The following SLIT3 variants were observed in gnomAD, a reference collection of about 807,000 sequenced individuals.
SLIT3 encodes slit guidance ligand 3.
A neutral mutation model predicts 184.0 loss-of-function variants in SLIT3; 68 were observed. The ratio of observed to expected loss-of-function variants is 0.37; its 90% CI spans 0.30 to 0.45. The LOEUF is 0.45. Among genes scored for constraint, SLIT3 ranks in the 20% least tolerant of loss-of-function variants. The pLI, the probability that SLIT3 is intolerant of heterozygous loss-of-function variation, is 1.00. For missense variants in SLIT3, 1,707 were observed against 2,026.0 expected, an observed-to-expected ratio of 0.84 and a Z score of 3.02; for synonymous variants, 831 against 828.6, an observed-to-expected ratio of 1.00 and a Z score of -0.05.
chr5:168,912,239 G>T (rs1016288939), intron 4 of SLIT3, among the ~76,000 whole-genome samples: 1 of 151,290 alleles, frequency 6.6e-6, no homozygotes, highest in African/African-American at 2.4e-5. Flanking sequence ...TTTATACAGT[G>T]TATTATACAT....
At chr5:168,963,089 C>T (rs901772876) in intron 4 of SLIT3, among the ~76,000 whole-genome samples, 1 of 152,166 alleles carries the variant, frequency 6.6e-6, no homozygotes, top group Non-Finnish European at 1.5e-5. Flanking sequence ...GAGGGGTTGG[C>T]GAACTATGGC....
chr5:168,742,150 G>A (rs1763656092), intron 20 of SLIT3, among the ~76,000 whole-genome samples: 1 of 120,236 alleles, frequency 8.3e-6, no homozygotes, highest in South Asian at 3.4e-4. Context: ...AGCTACAGGT[G>A]TGGCTGCAAT....
chr5:168,915,979 A>G (rs1463450611), intron 4 of SLIT3, among the ~76,000 whole-genome samples: 2 of 152,210 alleles, frequency 1.3e-5, no homozygotes. Flanking sequence ...TCTTTTTCTT[A>G]TGATACTTTA....
intron 5 of SLIT3, among the ~76,000 whole-genome samples, chr5:168,877,982 C>T (rs1312897229): frequency 2.0e-5 from 3 of 152,184 alleles, no homozygotes; most frequent in South Asian, 2.1e-4. Flanking sequence ...TACGTCTTTC[C>T]GTGATTTCTT....
chr5:168,823,348 G>A lies in SLIT3; in HGVS notation c.558-17C>T, dbSNP rs1757596780. On this transcript the variant is annotated splice_polypyrimidine_tract_variant and intron_variant, in intron 6 of 35. Transcript: ENST00000519560. ...TTGAGGGTACTGTGGAGATAGACAA[G>A]GGAGATGGTCAGCCAGGCAGCAGCA... is the stretch of plus-strand genomic sequence containing the variant. 1 of 1,600,914 alleles carries A rather than the reference G, an allele frequency of 6.2e-7. No individual in the cohort carries two copies. Among genetic ancestry groups the A allele is most frequent in the Non-Finnish European group, 8.6e-7 (1 of 1,168,238 alleles).
intron 4 of SLIT3, among the ~76,000 whole-genome samples, chr5:169,052,848 C>T (rs151232783): frequency 6.8e-4 from 104 of 152,278 alleles, no homozygotes; most frequent in African/African-American, 2.4e-3. Flanking sequence ...CAAATTCAAT[C>T]GGCCTTTTCC....
At position 169,063,432 on chromosome 5, in the gene SLIT3, C is replaced by T. The variant is rs1050442383; in HGVS notation, c.413+130047G>A. On this transcript the variant is annotated intron_variant, in intron 4 of 35. Coordinates refer to ENST00000519560, the MANE Select transcript of SLIT3 (RefSeq NM_003062.4). ...CCCTTCAATCCTTCCCACATTCCCT[C>T]GATTCTCTTGTGGCTGACAGGAAGG... 1.3e-5 allele frequency among the ~76,000 whole-genome samples: 2 copies of T among 152,210 alleles called. 1 individual carries two copies. The highest frequency in any genetic ancestry group is 4.1e-4 in the South Asian group (2 of 4,832).
At chr5:168,869,248 A>G (rs1759424449) in intron 5 of SLIT3, among the ~76,000 whole-genome samples, 1 of 152,134 alleles carries the variant, frequency 6.6e-6, no homozygotes, top group Admixed American at 6.5e-5. Context: ...TACTTCTCTA[A>G]TCTGTGGCAG....
intron 4 of SLIT3, among the ~76,000 whole-genome samples, chr5:169,047,835 C>A (rs148777296): frequency 6.6e-6 from 1 of 152,096 alleles, no homozygotes; most frequent in African/African-American, 2.4e-5. Context: ...GGGTCCTTAG[C>A]CCGTTTTCCT....
intron 11 of SLIT3, among the ~76,000 whole-genome samples, chr5:168,788,897 C>T (rs906993195): frequency 1.3e-5 from 2 of 152,026 alleles, no homozygotes; most frequent in Non-Finnish European, 2.9e-5. Flanking sequence ...CTGTCCCCAT[C>T]CTGCCTACTA....
Position 168,722,947 on chromosome 5 carries a change from A to G in SLIT3, c.2397T>C (p.Ser799=), listed in dbSNP as rs969442212. 5.6e-6 allele frequency: 9 copies of G among 1,613,324 alleles called. No individual in the cohort carries two copies. The African/African-American group carries it at 8.0e-5, about 14-fold the overall frequency. The change falls in exon 22 of 36, where the codon TCT becomes TCC. Residue 799 remains serine, a synonymous_variant. Coordinates refer to ENST00000519560, the MANE Select transcript of SLIT3 (RefSeq NM_003062.4). ...AGTGTACTCACAGAGTGGAGAGGTG[A>G]GACATGTTACTGAAGGTGTAATTGG... ...MLTNYTFSNM[S]HLSTLILSYN...
intron 4 of SLIT3, among the ~76,000 whole-genome samples, chr5:169,167,629 G>A (rs1009843096): frequency 6.6e-6 from 1 of 152,052 alleles, no homozygotes; most frequent in Non-Finnish European, 1.5e-5. Flanking sequence ...TCCTGGGAGC[G>A]AAGTACTATG....
intron 4 of SLIT3, among the ~76,000 whole-genome samples, chr5:169,066,908 T>C (rs1226651049): frequency 1.5e-5 from 2 of 136,538 alleles, no homozygotes; most frequent in Non-Finnish European, 3.1e-5. Flanking sequence ...ACATTCATGA[T>C]ATATTGCTAA....
chr5:168,964,108 T>C (rs1437156775), intron 4 of SLIT3, among the ~76,000 whole-genome samples: 2 of 152,240 alleles, frequency 1.3e-5, no homozygotes, highest in East Asian at 3.8e-4. Flanking sequence ...ACTAGTTTGA[T>C]TTTCCTCCAA....
chr5:169,257,454 C>T (rs13189366), intron 1 of SLIT3, among the ~76,000 whole-genome samples: 1 of 144,532 alleles, frequency 6.9e-6, no homozygotes, highest in South Asian at 2.3e-4. Flanking sequence ...TCCTAAACCA[C>T]TGAAATGTGG....
intron 4 of SLIT3, among the ~76,000 whole-genome samples, chr5:168,982,913 G>C (rs572216125): frequency 2.6e-5 from 4 of 152,284 alleles, no homozygotes; most frequent in African/African-American, 7.2e-5. Flanking sequence ...GACTCCTGTT[G>C]TACTGGCTCT....
intron 20 of SLIT3, among the ~76,000 whole-genome samples, chr5:168,735,238 G>C (rs866381782): frequency 6.6e-6 from 1 of 152,222 alleles, no homozygotes; most frequent in Non-Finnish European, 1.5e-5. Context: ...ACTCCACACA[G>C]ATCTCTGTGA....
chr5:168,969,845 T>C (rs1014061637), intron 4 of SLIT3, among the ~76,000 whole-genome samples: 1 of 152,214 alleles, frequency 6.6e-6, no homozygotes, highest in Non-Finnish European at 1.5e-5. Context: ...GGAAGATTCA[T>C]TAACAGCAAG....
Position 168,806,478 on chromosome 5 carries a change from A to C in SLIT3, c.903T>G (p.Ile301Met), listed in dbSNP as rs1171217477. 3 of 1,614,190 alleles carry C rather than the reference A, an allele frequency of 1.9e-6. No homozygotes were observed. Among genetic ancestry groups the C allele is most frequent in the Non-Finnish European group, 2.5e-6 (3 of 1,180,024 alleles). ...VDCRGKGLME[I>M]PANLPEGIVE... is the part of the protein sequence containing the mutation. The stretch of plus-strand genomic sequence containing the variant: ...CGATGCCCTCCGGCAAGTTGGCAGG[A>C]ATCTCCATCAAGCCCTTTCCTCGAC... The change falls in exon 9 of 36, where the codon ATT becomes ATG. Residue 301 changes from isoleucine to methionine, a missense_variant. Around this residue, in one of 3 missense-constraint regions of SLIT3, gnomAD observed 1,307 missense variants for 1,511.6 expected, o/e 0.86. Transcript: ENST00000519560.
Sources: gnomAD v4.1 joint callset for allele counts (sites outside exome capture counted in the v4.1 genomes callset) on GRCh38, gnomAD v4.1.1 for gene constraint, gnomAD v4.1.1 regional missense constraint, MANE v1.5 for transcripts, NCBI Gene and HGNC (gene_info 2026-07-23, HGNC 2026-07-21) for gene names.